BRINP3: variants seen among roughly 807,000 people sequenced by gnomAD.
BRINP3 encodes BMP/retinoic acid-inducible neural-specific protein 3.
BRINP3 carries 19 observed loss-of-function variants against 71.0 expected under a neutral mutation model. That is an observed-to-expected ratio of 0.27 (90% CI 0.19 to 0.39). The LOEUF is 0.39. Among genes scored for constraint, BRINP3 ranks in the 10% least tolerant of loss-of-function variants. The pLI is 1.00. For missense variants in BRINP3, 959 were observed against 940.8 expected (o/e 1.02, Z -0.25); for synonymous variants, 380 against 337.7 (o/e 1.13, Z -1.37).
At chr1:190,440,034 G>T (rs1674712429) in intron 2 of BRINP3, among the ~76,000 whole-genome samples, 1 of 151,814 alleles carries the variant, frequency 6.6e-6, no homozygotes. Context: ...TCAAAAATCA[G>T]ATTTTTAGAA....
At chr1:190,145,347 CCTT>C (rs1375147394) in intron 7 of BRINP3, among the ~76,000 whole-genome samples, 1 of 152,042 alleles carries the variant, frequency 6.6e-6, no homozygotes, top group Non-Finnish European at 1.5e-5. Context: ...ATTTTTTATT[CCTT>C]CTTCTTTATC....
intron 2 of BRINP3, among the ~76,000 whole-genome samples, chr1:190,393,653 T>G (rs1172500654): frequency 1.3e-5 from 2 of 151,630 alleles, no homozygotes; most frequent in Admixed American, 1.3e-4. Context: ...TAAAATCATG[T>G]ATTTAAAAAG....
rs372617267 is a variant in BRINP3 at position 190,325,775 on chromosome 1, C to CA, written c.237-44026dup. ...CTTTGTCATTTGCACTGCCCTTATC[C>CA]AAAAATATTTTTATCATTTCTGCAT... is the stretch of plus-strand genomic sequence containing the variant. On this transcript the variant is annotated intron_variant, in intron 2 of 7. Transcript: ENST00000367462. 3.5e-3 allele frequency among the ~76,000 whole-genome samples: 529 copies of CA among 152,064 alleles called. 3 individuals are homozygous for CA. Among genetic ancestry groups the CA allele is most frequent in the African/African-American group, 0.012 (489 of 41,502 alleles).
At chr1:190,350,819 C>T (rs924518070) in intron 2 of BRINP3, among the ~76,000 whole-genome samples, 3 of 115,346 alleles carry the variant, frequency 2.6e-5, no homozygotes, top group African/African-American at 6.4e-5. Flanking sequence ...TCAAGTTCAC[C>T]TTGTTTTTTT....
chr1:190,269,408 C>T (rs935829603), intron 3 of BRINP3, among the ~76,000 whole-genome samples: 4 of 152,160 alleles, frequency 2.6e-5, no homozygotes, highest in African/African-American at 9.6e-5. Context: ...GGACATAAAA[C>T]ATTCATGAAT....
chr1:190,435,617 A>G (rs1015444247), intron 2 of BRINP3, among the ~76,000 whole-genome samples: 2 of 152,078 alleles, frequency 1.3e-5, no homozygotes, highest in African/African-American at 4.8e-5. Context: ...TGTAAACTAA[A>G]ATGTAACATT....
At chr1:190,331,589 A>G (rs1571770155) in intron 2 of BRINP3, among the ~76,000 whole-genome samples, 1 of 152,070 alleles carries the variant, frequency 6.6e-6, no homozygotes, top group Non-Finnish European at 1.5e-5. Flanking sequence ...TTTGCCATCA[A>G]GTGTAAGCAG....
chr1:190,413,602 G>A (rs1672827949), intron 2 of BRINP3, among the ~76,000 whole-genome samples: 1 of 152,196 alleles, frequency 6.6e-6, no homozygotes, highest in Non-Finnish European at 1.5e-5. Flanking sequence ...GCAGCCACCA[G>A]TAACTGGACT....
intron 7 of BRINP3, among the ~76,000 whole-genome samples, chr1:190,103,488 A>G (rs1433256392): frequency 6.6e-6 from 1 of 152,100 alleles, no homozygotes; most frequent in Non-Finnish European, 1.5e-5. Context: ...GCCCCATCCC[A>G]GACATAAGAA....
chr1:190,377,133 T>C (rs1670235559), intron 2 of BRINP3, among the ~76,000 whole-genome samples: 1 of 152,026 alleles, frequency 6.6e-6, no homozygotes, highest in Admixed American at 6.6e-5. Context: ...GTTGCTATAT[T>C]ATAAAGTGCA....
chr1:190,308,447 A>T (rs931021367), intron 2 of BRINP3, among the ~76,000 whole-genome samples: 2 of 151,614 alleles, frequency 1.3e-5, no homozygotes, highest in South Asian at 2.1e-4. Context: ...AACAATGAGA[A>T]CACATGGACA....
chr1:190,171,275 T>C (rs1179039920), intron 6 of BRINP3, among the ~76,000 whole-genome samples: 1 of 152,192 alleles, frequency 6.6e-6, no homozygotes, highest in African/African-American at 2.4e-5. Flanking sequence ...CTTGTTTACT[T>C]GTACTAACTA....
At chr1:190,324,018 T>C (rs1270739994) in intron 2 of BRINP3, among the ~76,000 whole-genome samples, 1 of 151,924 alleles carries the variant, frequency 6.6e-6, no homozygotes, top group African/African-American at 2.4e-5. Flanking sequence ...AATGACTGCT[T>C]TTTGTCCATT....
intron 2 of BRINP3, among the ~76,000 whole-genome samples, chr1:190,393,322 T>C (rs758984369): frequency 3.6e-4 from 55 of 151,770 alleles, no homozygotes; most frequent in Middle Eastern, 3.4e-3. Context: ...ATTACTATGC[T>C]AACCCAACTT....
At chr1:190,215,654 T>C (rs958278212) in intron 6 of BRINP3, among the ~76,000 whole-genome samples, 2 of 151,932 alleles carry the variant, frequency 1.3e-5, no homozygotes, top group Admixed American at 1.3e-4. Flanking sequence ...TTTGTAGCAT[T>C]AGAAAGATTA....
Position 190,161,036 on chromosome 1 carries a change from A to G in BRINP3, c.962-146T>C. ...TAAATACAGTGCCTCATTTGTGAGT[A>G]GCAAATTAATAGAAGATGGGGTTTT... On this transcript the variant is annotated intron_variant, in intron 6 of 7. Transcript: ENST00000367462. 3 of 570,500 alleles carry G rather than the reference A, an allele frequency of 5.3e-6. No homozygotes were observed. In the South Asian group the frequency reaches 7.6e-5, roughly 14 times the overall value. 35.3% of individuals were successfully genotyped at this position (570,500 alleles called of 1,614,324 possible).
intron 1 of BRINP3, among the ~76,000 whole-genome samples, chr1:190,476,431 A>AATGAATAT (rs1677509199): frequency 6.6e-6 from 1 of 152,104 alleles, no homozygotes; most frequent in South Asian, 2.1e-4. Context: ...TTTGGCATTT[A>AATGAATAT]ATGAATATCG....
intron 6 of BRINP3, among the ~76,000 whole-genome samples, chr1:190,168,441 G>A (rs1014130493): frequency 6.6e-6 from 1 of 152,096 alleles, no homozygotes; most frequent in Non-Finnish European, 1.5e-5. Context: ...GGAAATCAGA[G>A]TGTGGTCTTA....
At chr1:190,394,173 T>A (rs1671427257) in intron 2 of BRINP3, among the ~76,000 whole-genome samples, 1 of 151,594 alleles carries the variant, frequency 6.6e-6, no homozygotes, top group Admixed American at 6.6e-5. Context: ...AAGCTTTACA[T>A]TATTTTTAAA....
Sources: allele counts gnomAD v4.1 joint callset (sites outside exome capture counted in the v4.1 genomes callset), GRCh38; gene constraint gnomAD v4.1.1; transcripts MANE v1.5; gene names NCBI Gene and HGNC (gene_info 2026-07-23, HGNC 2026-07-21).